The following GPR139 variants were observed in gnomAD, a reference collection of about 807,000 sequenced individuals.
GPR139 encodes G protein-coupled receptor 139.
GPR139 carries 12 observed loss-of-function variants against 25.8 expected under a neutral mutation model. The observed-to-expected ratio is 0.47, with a 90% CI of 0.30 to 0.75. GPR139 has a LOEUF of 0.75. Ranked by LOEUF, GPR139 falls within the 30% of genes least tolerant of loss-of-function variation. GPR139 has a pLI of 0.07. For missense variants in GPR139, 380 were observed against 450.2 expected (o/e 0.84, Z 1.41); for synonymous variants, 184 against 179.9 (o/e 1.02, Z -0.18).
At chr16:20,068,295 C>G (rs1454960297) in intron 1 of GPR139, among the ~76,000 whole-genome samples, 1 of 150,628 alleles carries the variant, frequency 6.6e-6, no homozygotes, top group Non-Finnish European at 1.5e-5. Flanking sequence ...AGCTATTCCT[C>G]AGCTCCAGAA....
intron 1 of GPR139, among the ~76,000 whole-genome samples, chr16:20,041,138 G>A (rs532366545): frequency 0.013 from 6 of 472 alleles, 1 homozygote; most frequent in African/African-American, 0.04. Flanking sequence ...AAGGAGAGGA[G>A]AGGAGAGGAG....
intron 1 of GPR139, among the ~76,000 whole-genome samples, chr16:20,039,413 A>C (rs1210070696): frequency 6.6e-6 from 1 of 152,230 alleles, no homozygotes; most frequent in African/African-American, 2.4e-5. Flanking sequence ...GTTCTGCTAC[A>C]TTGCCTTTTT....
chr16:20,065,428 C>T (rs960679928), intron 1 of GPR139, among the ~76,000 whole-genome samples: 1 of 152,118 alleles, frequency 6.6e-6, no homozygotes, highest in Non-Finnish European at 1.5e-5. Context: ...CATTGAGGAG[C>T]GTTTGCTGCT....
intron 1 of GPR139, among the ~76,000 whole-genome samples, chr16:20,060,989 G>A (rs2057410870): frequency 6.6e-6 from 1 of 152,168 alleles, no homozygotes; most frequent in Non-Finnish European, 1.5e-5. Context: ...GCACCAAGTA[G>A]CTCTCTTTCA....
chr16:20,041,172 G>A (rs567911237), intron 1 of GPR139, among the ~76,000 whole-genome samples: 9 of 210 alleles, frequency 0.043, no homozygotes, highest in African/African-American at 0.067. Flanking sequence ...GGAGGGGAGG[G>A]GAGGGGAGGG....
chr16:20,040,751 C>T (rs749034299), intron 1 of GPR139, among the ~76,000 whole-genome samples: 3 of 152,082 alleles, frequency 2.0e-5, no homozygotes, highest in South Asian at 4.1e-4. Context: ...AAAGAGCTCA[C>T]GTTGGAGGCT....
At chr16:20,044,609 C>T (rs1268817521) in intron 1 of GPR139, among the ~76,000 whole-genome samples, 3 of 152,176 alleles carry the variant, frequency 2.0e-5, no homozygotes, top group Non-Finnish European at 1.5e-5. Flanking sequence ...ACTGTTCCCT[C>T]AGAGCAGCTA....
intron 1 of GPR139, among the ~76,000 whole-genome samples, chr16:20,063,280 A>T (rs566435575): frequency 6.6e-6 from 1 of 152,198 alleles, no homozygotes; most frequent in South Asian, 2.1e-4. Context: ...GTCACATTAA[A>T]CTCCAGCTAG....
At chr16:20,052,714 G>A (rs56707848) in intron 1 of GPR139, among the ~76,000 whole-genome samples, 2,466 of 151,398 alleles carry the variant, frequency 0.016, 71 homozygotes, top group African/African-American at 0.057. Flanking sequence ...GGAGAATGGC[G>A]TGAACCGGGG....
chr16:20,065,740 G>A (rs1944716799), intron 1 of GPR139, among the ~76,000 whole-genome samples: 3 of 152,070 alleles, frequency 2.0e-5, no homozygotes, highest in South Asian at 4.2e-4. Context: ...GGGCATGGTG[G>A]TGCATGGCTG....
chr16:20,038,990 G>C (rs1034243552), intron 1 of GPR139, among the ~76,000 whole-genome samples: 2 of 152,072 alleles, frequency 1.3e-5, no homozygotes, highest in African/African-American at 4.8e-5. Flanking sequence ...TTCCATTGTT[G>C]AGGAAACCCA....
At chr16:20,058,471 CT>C (rs906553129) in intron 1 of GPR139, among the ~76,000 whole-genome samples, 67 of 152,166 alleles carry the variant, frequency 4.4e-4, no homozygotes, top group African/African-American at 1.6e-3. Flanking sequence ...TAAGAAAAAT[CT>C]TTGTGTTGGT....
rs777131487 is a variant in GPR139 at position 20,032,380 on chromosome 16, G to T, written c.417C>A (p.Val139=). ...AVCHPLKYHT[V]SYPARTRKVI... is the part of the protein sequence containing the mutation. ...CTTTCCGGGTGCGGGCTGGGTATGA[G>T]ACCGTGTGGTACTTGAGCGGGTGGC... The change falls in exon 2 of 2, where the codon GTC becomes GTA. Residue 139 remains valine (V), a synonymous_variant. Coordinates refer to ENST00000570682, the MANE Select transcript of GPR139 (RefSeq NM_001002911.4). 4 of 1,614,212 alleles carry T rather than the reference G, an allele frequency of 2.5e-6. No homozygotes were observed. Among genetic ancestry groups the T allele is most frequent in the Non-Finnish European group, 8.5e-7 (1 of 1,180,038 alleles).
In GPR139 at chr16:20,053,530, G is replaced by A. The variant is rs76771017; in HGVS notation, c.127+19960C>T. ...CTGTAAAACGACAGGCTTGGCTGGC[G>A]TGTGGACTGCAGGGAAATGAGGGAT... On this transcript the variant is annotated intron_variant, in intron 1 of 1. Transcript: ENST00000570682. Among the ~76,000 whole-genome samples the A allele has an allele frequency of 2.2e-4, 34 of 152,350 alleles. No homozygotes were observed. The East Asian group carries it at 5.4e-3, about 24-fold the overall frequency.
intron 1 of GPR139, among the ~76,000 whole-genome samples, chr16:20,061,225 G>GGATGGA (rs60644188): frequency 8.8e-4 from 121 of 138,082 alleles, no homozygotes; most frequent in Admixed American, 1.9e-3. Flanking sequence ...ATGGATGGAT[G>GGATGGA]TGTGGATGGA....
intron 1 of GPR139, among the ~76,000 whole-genome samples, chr16:20,049,973 T>C (rs1443998826): frequency 1.3e-5 from 2 of 152,244 alleles, no homozygotes; most frequent in Non-Finnish European, 2.9e-5. Context: ...CTTCGCTTTC[T>C]TTCCATTGCA....
chr16:20,065,744 A>G (rs371812220), intron 1 of GPR139, among the ~76,000 whole-genome samples: 2 of 152,080 alleles, frequency 1.3e-5, no homozygotes, highest in East Asian at 3.9e-4. Flanking sequence ...ATGGTGGTGC[A>G]TGGCTGTAAT....
Position 20,032,823 on chromosome 16 carries a change from C to T in GPR139, c.128-154G>A, listed in dbSNP as rs138635429. 3.3e-3 allele frequency among the ~76,000 whole-genome samples: 510 copies of T among 152,330 alleles called. 2 individuals carry two copies. The highest frequency in any genetic ancestry group is 0.012 in the African/African-American group (489 of 41,570). On this transcript the variant is annotated intron_variant, in intron 1 of 1. Coordinates refer to ENST00000570682, the MANE Select transcript of GPR139 (RefSeq NM_001002911.4). The stretch of plus-strand genomic sequence containing the variant: ...GGGACAACCTCAGCATTACAAATAG[C>T]ACCTCATACAATTAGTGGATACTAT...
intron 1 of GPR139, among the ~76,000 whole-genome samples, chr16:20,050,580 T>A (rs1311915847): frequency 6.6e-6 from 1 of 152,178 alleles, no homozygotes; most frequent in Non-Finnish European, 1.5e-5. Context: ...CCACGAGGCT[T>A]CTCTCTTTTA....
Sources: gnomAD v4.1 joint callset for allele counts (sites outside exome capture counted in the v4.1 genomes callset) on GRCh38, gnomAD v4.1.1 for gene constraint, MANE v1.5 for transcripts, NCBI Gene and HGNC (gene_info 2026-07-23, HGNC 2026-07-21) for gene names.